The following CLEC1B variants were observed in gnomAD, a reference collection of about 807,000 sequenced individuals.
CLEC1B encodes C-type lectin domain family 1 member B.
In CLEC1B, 26 loss-of-function variants were observed where a neutral mutation model predicts 26.7. That is an observed-to-expected ratio of 0.97 (90% CI 0.71 to 1.35). The LOEUF (loss-of-function observed/expected upper bound fraction) is 1.35. Among genes scored for constraint, CLEC1B ranks in the 40% most tolerant of loss-of-function variants. The probability of loss-of-function intolerance (pLI) is 0.00; values close to 1 mark genes in which losing one functional copy is unlikely to be tolerated. For synonymous variants in CLEC1B, 112 were observed against 96.0 expected (o/e 1.17, Z -0.97); for missense variants, 293 against 282.6 (o/e 1.04, Z -0.26).
intron 2 of CLEC1B, among the ~76,000 whole-genome samples, chr12:9,997,804 T>C (rs756013218): frequency 1.3e-5 from 2 of 152,130 alleles, no homozygotes; most frequent in Non-Finnish European, 2.9e-5. Context: ...TTCAATGTGC[T>C]ATTGGAGGGC....
At chr12:9,996,127 T>C (rs1243814651) in intron 4 of CLEC1B, among the ~76,000 whole-genome samples, 1 of 152,204 alleles carries the variant, frequency 6.6e-6, no homozygotes, top group Non-Finnish European at 1.5e-5. Context: ...CAAAATGGCA[T>C]TCCACAGGAG....
At position 9,993,285 on chromosome 12, in the gene CLEC1B, A is replaced by C; in HGVS notation, c.548T>G (p.Phe183Cys). 6.2e-7 allele frequency: 1 copy of C among 1,612,202 alleles called. No homozygotes were observed. Among genetic ancestry groups the C allele is most frequent in the Non-Finnish European group, 8.5e-7 (1 of 1,178,618 alleles). The change falls in exon 6 of 6, where the codon TTT (phenylalanine) becomes TGT (cysteine). Residue 183 changes from phenylalanine (F) to cysteine (C), a missense_variant and splice_region_variant. Phe to Cys is a radical substitution (Grantham distance 205). Coordinates refer to ENST00000298527, the MANE Select transcript of CLEC1B (RefSeq NM_016509.4). ...TCCTTTTCCATCTTCCAAAAACTCA[A>C]ACCTGTGAAGGGAAAGTTAGAATAA... ...EDGSVISENM[F>C]EFLEDGKGNM...
At position 9,995,263 on chromosome 12, in the gene CLEC1B, T is replaced by C. The variant is rs759881404; in HGVS notation, c.439-17A>G. On this transcript the variant is annotated splice_polypyrimidine_tract_variant and intron_variant, in intron 4 of 5. Coordinates refer to ENST00000298527, the MANE Select transcript of CLEC1B (RefSeq NM_016509.4). Reference sequence around the variant, plus strand: ...GATGTACTCCTATTGTAAACATAAATAAACACAATGGTCAGAATCCCTCCA... The same window carrying C: ...GATGTACTCCTATTGTAAACATAAACAAACACAATGGTCAGAATCCCTCCA... 6 of 1,590,944 alleles carry C rather than the reference T, an allele frequency of 3.8e-6. No individual in the cohort carries two copies. The highest frequency in any genetic ancestry group is 2.7e-5 in the African/African-American group (2 of 74,408).
chr12:9,996,386 T>C (rs1307906961), intron 4 of CLEC1B, among the ~76,000 whole-genome samples: 1 of 152,226 alleles, frequency 6.6e-6, no homozygotes, highest in East Asian at 1.9e-4. Context: ...AGGATATGCA[T>C]ATATGTCTCG....
rs3818341 is a variant in CLEC1B, at chr12:9,998,525, C to G, written c.65-145G>C. 0.27 allele frequency: 117,577 copies of G among 429,024 alleles called. 17,791 individuals are homozygous for G. The highest frequency in any genetic ancestry group is 0.29 in the Non-Finnish European group (67,558 of 229,256). 26.6% of individuals were successfully genotyped at this position (429,024 alleles called of 1,614,324 possible). A position where few individuals can be genotyped will look rare whatever the true frequency, so the allele number is the denominator to read the frequency against. ...TGGCAGATCTCACCTGTGTTCTCCT[C>G]ATGATCATCAACAATAGGCATGGCC... On this transcript the variant is annotated intron_variant, in intron 1 of 5. Coordinates refer to ENST00000298527, the MANE Select transcript of CLEC1B (RefSeq NM_016509.4).
At chr12:9,996,085 T>C (rs973271636) in intron 4 of CLEC1B, among the ~76,000 whole-genome samples, 5 of 152,174 alleles carry the variant, frequency 3.3e-5, no homozygotes, top group African/African-American at 1.2e-4. Context: ...AAATAAAAAA[T>C]GACTTGAGCT....
upstream of CLEC1B, chr12:9,999,292 T>C: frequency 2.2e-6 from 1 of 446,566 alleles, no homozygotes; most frequent in East Asian, 3.2e-5. Context: ...TGCTCAGAGA[T>C]ACATGGACCT....
chr12:9,997,238 G>T lies in CLEC1B; in HGVS notation c.205C>A (p.Arg69Ser), dbSNP rs548647712. 1.2e-6 allele frequency: 2 copies of T among 1,613,010 alleles called. No individual in the cohort carries two copies. Among genetic ancestry groups the T allele is most frequent in the South Asian group, 2.2e-5 (2 of 91,056 alleles). ...RNYLQGENENRTGTLQQLAKR... is the reference protein window; with the variant it reads ...RNYLQGENENSTGTLQQLAKR... ...GCTAATTGTTGCAGAGTTCCTGTGC[G>T]ATTTTCATTCTCACCTTGTAGGTAA... The change falls in exon 3 of 6, where the codon CGC becomes AGC. Residue 69 changes from arginine to serine, a missense_variant. Coordinates refer to ENST00000298527, the MANE Select transcript of CLEC1B (RefSeq NM_016509.4).
chr12:9,993,440 TC>T, intron 5 of CLEC1B, 153 bp from the exon 6 acceptor site: 1 of 685,964 alleles, frequency 1.5e-6, no homozygotes, highest in Non-Finnish European at 2.5e-6. Context: ...TTGAGAAAGT[TC>T]CACCCTGCTT....
upstream of CLEC1B, among the ~76,000 whole-genome samples, chr12:10,001,634 A>G (rs941717392): frequency 1.3e-5 from 2 of 152,188 alleles, no homozygotes; most frequent in African/African-American, 4.8e-5. Context: ...CCCTCCCCAC[A>G]TTCTATAAAT....
At chr12:9,994,239 G>C (rs377252402) in intron 5 of CLEC1B, among the ~76,000 whole-genome samples, 1 of 152,010 alleles carries the variant, frequency 6.6e-6, no homozygotes, top group Non-Finnish European at 1.5e-5. Context: ...GTAACAAAAC[G>C]AGTTTGATTT....
intron 4 of CLEC1B, among the ~76,000 whole-genome samples, chr12:9,996,492 G>A (rs993396520): frequency 1.5e-4 from 23 of 151,976 alleles, no homozygotes; most frequent in Non-Finnish European, 7.4e-5. Context: ...GATATCTTCC[G>A]TATGCGTCTG....
rs150186745 is a variant in CLEC1B at position 9,995,328 on chromosome 12, T to C, written c.439-82A>G. Reference sequence around the variant, plus strand: ...ATAGACAAAGCTTCATGATAAGACGTTGGACAAAAAATGTTGGATTACATG... The same window carrying C: ...ATAGACAAAGCTTCATGATAAGACGCTGGACAAAAAATGTTGGATTACATG... On this transcript the variant is annotated intron_variant, in intron 4 of 5. Transcript: ENST00000298527. The C allele has an allele frequency of 1.7e-4, 197 of 1,178,628 alleles. No individual in the cohort carries two copies. The African/African-American group carries it at 2.3e-3, about 14-fold the overall frequency. The allele number at this position is 1,178,628 out of a possible 1,614,324, so 73.0% of individuals were successfully genotyped here.
Position 9,995,199 on chromosome 12 carries a change from A to G in CLEC1B, c.486T>C (p.Ser162=), listed in dbSNP as rs1227143529. 1 of 1,613,220 alleles carries G rather than the reference A, an allele frequency of 6.2e-7. No homozygotes were observed. Among genetic ancestry groups the G allele is most frequent in the Non-Finnish European group, 8.5e-7 (1 of 1,179,274 alleles). ...RTHLIRWVGL[S]RQKSNEVWKW... is the part of the protein sequence containing the mutation. ...TCCAGACCTCATTCGACTTCTGGCG[A>G]GATAATCCGACCCAACGAATTAAAT... Residue 162 remains serine (S), a synonymous_variant, in exon 5 of 6, where the codon TCT becomes TCC. Transcript: ENST00000298527.
At position 9,993,129 on chromosome 12, in the gene CLEC1B, T is replaced by C. The variant is rs1364537086; in HGVS notation, c.*14A>G. On this transcript the variant is annotated 3_prime_UTR_variant, in exon 6 of 6. Coordinates refer to ENST00000298527, the MANE Select transcript of CLEC1B (RefSeq NM_016509.4). ...TAAAGCCCTTATCTGTGTTATCCTG[T>C]CCACCTCTTTGCATTAAGGTAGTTG... 1 of 1,605,142 alleles carries C rather than the reference T, an allele frequency of 6.2e-7. No homozygotes were observed. The highest frequency in any genetic ancestry group is 1.7e-5 in the Admixed American group (1 of 59,900).
In CLEC1B at chr12:9,996,966, C is replaced by T; in HGVS notation, c.318G>A (p.Trp106Ter). The T allele has an allele frequency of 2.5e-6, 4 of 1,614,070 alleles. No individual in the cohort carries two copies. The highest frequency in any genetic ancestry group is 3.4e-6 in the Non-Finnish European group (4 of 1,179,968). Residue 106 changes from tryptophan (W) to a stop codon, truncating the protein, a stop_gained, in exon 4 of 6, where the codon TGG (tryptophan) becomes TGA (stop). Transcript: ENST00000298527. LOFTEE classifies it high-confidence loss of function. ...GHKCSPCDTN[W>*]RYYGDSCYGF... ...CATAGCAGCTATCTCCATAATATCT[C>T]CAGTTTGTGTCACAGGGGCTGCATT...
At chr12:9,999,199 T>C, upstream of CLEC1B, 1 of 784,808 alleles carries the variant, frequency 1.3e-6, no homozygotes, top group Non-Finnish European at 2.2e-6. Flanking sequence ...ATGATCTTCC[T>C]GTCTTTAGTA....
intron 2 of CLEC1B, among the ~76,000 whole-genome samples, chr12:9,997,901 G>A (rs1045893465): frequency 6.6e-6 from 1 of 152,006 alleles, no homozygotes; most frequent in Non-Finnish European, 1.5e-5. Context: ...AATAGAATGA[G>A]AAAAATTTCA....
chr12:9,997,191 C>G lies in CLEC1B; in HGVS notation c.252G>C (p.Val84=). ...QQLAKRFCQY[V]VKQSELKGTF... is the part of the protein sequence containing the mutation. Reference sequence around the variant, plus strand: ...TGCCCTTTAGTTCTGATTGTTTTACCACATATTGACAGAAGCGCTTTGCTA... The same window carrying G: ...TGCCCTTTAGTTCTGATTGTTTTACGACATATTGACAGAAGCGCTTTGCTA... Residue 84 remains valine, a synonymous_variant, in exon 3 of 6, where the codon GTG becomes GTC. Coordinates refer to ENST00000298527, the MANE Select transcript of CLEC1B (RefSeq NM_016509.4). 2 of 1,613,844 alleles carry G rather than the reference C, an allele frequency of 1.2e-6. No homozygotes were observed. Among genetic ancestry groups the G allele is most frequent in the Non-Finnish European group, 1.7e-6 (2 of 1,179,922 alleles).
Sources: gnomAD v4.1 joint callset for allele counts (sites outside exome capture counted in the v4.1 genomes callset) on GRCh38, gnomAD v4.1.1 for gene constraint, MANE v1.5 for transcripts, NCBI Gene and HGNC (gene_info 2026-07-23, HGNC 2026-07-21) for gene names.